The following SYNE2 variants were observed in gnomAD, a reference collection of about 807,000 sequenced individuals.
SYNE2 encodes spectrin repeat containing nuclear envelope protein 2.
In SYNE2, 431 loss-of-function variants were observed where a neutral mutation model predicts 856.3. That is an observed-to-expected ratio of 0.50 (90% CI 0.47 to 0.55). The LOEUF (loss-of-function observed/expected upper bound fraction) is 0.55, where lower values mean the gene tolerates loss of function less well. Among genes scored for constraint, SYNE2 ranks in the 20% least tolerant of loss-of-function variants. The pLI is 0.00. For missense variants in SYNE2, 8,129 were observed against 8,023.2 expected (o/e 1.01, Z -0.50); for synonymous variants, 2,923 against 2,872.3 (o/e 1.02, Z -0.56).
intron 1 of SYNE2, among the ~76,000 whole-genome samples, chr14:63,801,028 G>A (rs980839913): frequency 2.0e-5 from 3 of 152,118 alleles, no homozygotes; most frequent in African/African-American, 7.2e-5. Flanking sequence ...AGATAAGTAA[G>A]CATATTCTTT....
intron 82 of SYNE2, among the ~76,000 whole-genome samples, chr14:64,143,288 A>G (rs2098154929): frequency 6.6e-6 from 1 of 152,200 alleles, no homozygotes; most frequent in Non-Finnish European, 1.5e-5. Flanking sequence ...CAAACTTTCT[A>G]AAGCCACCTG....
chr14:64,183,299 G>A (rs1244693228), intron 96 of SYNE2, among the ~76,000 whole-genome samples: 1 of 145,942 alleles, frequency 6.9e-6, no homozygotes, highest in African/African-American at 2.5e-5. Context: ...GGGCAGAGGC[G>A]CTCCTCCCAT....
intron 79 of SYNE2, among the ~76,000 whole-genome samples, chr14:64,139,699 C>A (rs1316469650): frequency 6.6e-6 from 1 of 152,160 alleles, no homozygotes; most frequent in Admixed American, 6.5e-5. Flanking sequence ...AGGCATGAGC[C>A]ACCACATCTG....
chr14:64,188,309 A>G (rs921349171), intron 97 of SYNE2, among the ~76,000 whole-genome samples: 4 of 152,230 alleles, frequency 2.6e-5, no homozygotes, highest in African/African-American at 9.6e-5. Flanking sequence ...GATAAAAACA[A>G]TCCTTCCAAT....
intron 76 of SYNE2, among the ~76,000 whole-genome samples, chr14:64,130,585 G>C (rs1567397365): frequency 6.6e-6 from 1 of 152,206 alleles, no homozygotes; most frequent in Admixed American, 6.5e-5. Flanking sequence ...ACTTAGGAAA[G>C]TTAGAAAAGG....
In SYNE2 at chr14:64,055,979, C is replaced by T. The variant is rs776410978; in HGVS notation, c.9780C>T (p.Arg3260=). 6.2e-7 allele frequency: 1 copy of T among 1,613,972 alleles called. No homozygotes were observed. The change falls in exon 49 of 116, where the codon CGC becomes CGT. Residue 3260 remains arginine, a synonymous_variant. Transcript: ENST00000555002. ...ATGATGCTTATGAAAATCTAACACG[C>T]TATAAAGAAGCAGTCACCAGGGCAG... ...VLNDAYENLT[R]YKEAVTRAVE...
At chr14:64,065,126 G>A (rs2097348862) in intron 50 of SYNE2, among the ~76,000 whole-genome samples, 1 of 152,190 alleles carries the variant, frequency 6.6e-6, no homozygotes, top group South Asian at 2.1e-4. Context: ...GCCTCCCAAA[G>A]TGCTGGGATC....
intron 6 of SYNE2, among the ~76,000 whole-genome samples, chr14:63,948,156 G>GACACACACACAC (rs151256085): frequency 8.9e-4 from 111 of 124,410 alleles, no homozygotes; most frequent in African/African-American, 3.0e-3. Context: ...TACACACACA[G>GACACACACACAC]ACACACACAT....
intron 64 of SYNE2, 92 bp downstream of exon 64, chr14:64,102,134 CCT>C: frequency 1.1e-6 from 1 of 896,322 alleles, no homozygotes; most frequent in Non-Finnish European, 1.8e-6. Context: ...TCCCTACACC[CCT>C]GAGACGGACT....
chr14:63,798,163 C>G (rs1887992713), intron 1 of SYNE2, among the ~76,000 whole-genome samples: 1 of 152,052 alleles, frequency 6.6e-6, no homozygotes, highest in Non-Finnish European at 1.5e-5. Context: ...TCTCAGCCTC[C>G]TAAGTATCTG....
intron 31 of SYNE2, 144 bp downstream of exon 31, chr14:64,007,366 C>T: frequency 1.2e-6 from 1 of 801,244 alleles, no homozygotes; most frequent in Non-Finnish European, 2.2e-6. Flanking sequence ...TTCACAGGGC[C>T]AGTGTCTGGG....
At chr14:63,814,580 C>T (rs969619057) in intron 1 of SYNE2, among the ~76,000 whole-genome samples, 6 of 135,390 alleles carry the variant, frequency 4.4e-5, no homozygotes, top group African/African-American at 1.6e-4. Flanking sequence ...TTATATGTAT[C>T]CATATATATA....
rs2098703082 is a variant in SYNE2 at position 64,223,231 on chromosome 14, A to G, written c.20233A>G (p.Met6745Val). 6 of 1,614,142 alleles carry G rather than the reference A, an allele frequency of 3.7e-6. No individual in the cohort carries two copies. The highest frequency in any genetic ancestry group is 5.1e-6 in the Non-Finnish European group (6 of 1,179,982). The part of the protein sequence containing the change: ...ELVERQPQVD[M>V]LQEISNSLLI... Reference sequence around the variant, plus strand: ...GGTAGAACGTCAACCTCAAGTGGACATGTTACAGGAGATTTCAAACAGCCT... The same window carrying G: ...GGTAGAACGTCAACCTCAAGTGGACGTGTTACAGGAGATTTCAAACAGCCT... The change falls in exon 113 of 116, where the codon ATG (methionine) becomes GTG (valine). Residue 6745 changes from methionine (M) to valine (V), a missense_variant. This residue lies in a region of SYNE2 where 5,410 missense variants were observed against 5,284.8 expected (regional missense o/e 1.02). Transcript: ENST00000555002.
At chr14:64,050,496 A>G (rs937822791) in intron 47 of SYNE2, among the ~76,000 whole-genome samples, 8 of 152,186 alleles carry the variant, frequency 5.3e-5, no homozygotes, top group South Asian at 2.1e-4. Flanking sequence ...TTTATGTTCT[A>G]TGGAATTCAG....
At chr14:64,014,756 G>A (rs551442531) in intron 32 of SYNE2, among the ~76,000 whole-genome samples, 1 of 151,836 alleles carries the variant, frequency 6.6e-6, no homozygotes, top group East Asian at 1.9e-4. Flanking sequence ...CTGTCAAAAT[G>A]TTTTTCAGAG....
intron 32 of SYNE2, among the ~76,000 whole-genome samples, chr14:64,011,515 G>A (rs76127693): frequency 0.01 from 1,596 of 152,200 alleles, 25 homozygotes; most frequent in African/African-American, 0.037. Context: ...CCCTTCTGCC[G>A]TGTCCCCGAT....
At chr14:64,114,625 C>CT (rs759059843) in intron 66 of SYNE2, among the ~76,000 whole-genome samples, 423 of 141,494 alleles carry the variant, frequency 3.0e-3, no homozygotes, top group East Asian at 4.1e-3. Flanking sequence ...AAAGTCAGTT[C>CT]TTTTTTTTTT....
At chr14:63,787,369 AC>A (rs2139756212) in intron 1 of SYNE2, among the ~76,000 whole-genome samples, 1 of 152,198 alleles carries the variant, frequency 6.6e-6, no homozygotes, top group Non-Finnish European at 1.5e-5. Flanking sequence ...GTCTCTGGTA[AC>A]CCCAATCAAC....
rs1346883384 is a variant in SYNE2 at position 64,207,951 on chromosome 14, C to T, written c.18202-807C>T. The stretch of plus-strand genomic sequence containing the variant: ...AACAGGTTCCTTATCTCTCTCCCTC[C>T]CCGCAGCCCACCCATGGGGTACAGC... On this transcript the variant is annotated intron_variant, in intron 100 of 115. Transcript: ENST00000555002. 1.3e-5 allele frequency: 6 copies of T among 455,020 alleles called. No homozygotes were observed. In the East Asian group the frequency reaches 2.1e-4, roughly 16 times the overall value. 28.2% of individuals were successfully genotyped at this position (455,020 alleles called of 1,614,324 possible). A position where few individuals can be genotyped will look rare whatever the true frequency, so the allele number is the denominator to read the frequency against.
Sources: allele counts gnomAD v4.1 joint callset (sites outside exome capture counted in the v4.1 genomes callset), GRCh38; gene constraint gnomAD v4.1.1; regional missense constraint gnomAD v4.1.1; transcripts MANE v1.5; gene names NCBI Gene and HGNC (gene_info 2026-07-23, HGNC 2026-07-21).